FRYL: variants seen among roughly 807,000 people sequenced by gnomAD.
The protein encoded by FRYL is protein furry homolog-like.
Under a neutral mutation model 351.2 loss-of-function variants are expected in FRYL, and 150 were observed. The ratio of observed to expected loss-of-function variants is 0.43; its 90% CI spans 0.37 to 0.49. FRYL has a LOEUF of 0.49. Among genes scored for constraint, FRYL ranks in the 20% least tolerant of loss-of-function variants. The pLI is 0.00. For missense variants in FRYL, 3,036 were observed against 3,619.3 expected, an observed-to-expected ratio of 0.84 and a Z score of 4.13; for synonymous variants, 1,153 against 1,257.1, an observed-to-expected ratio of 0.92 and a Z score of 1.75.
chr4:48,674,605 C>T (rs1578669323), intron 3 of FRYL, among the ~76,000 whole-genome samples: 3 of 151,602 alleles, frequency 2.0e-5, no homozygotes, highest in East Asian at 3.9e-4. Context: ...GGCGTGGTGG[C>T]GGGCTCCTGT....
chr4:48,592,642 G>A (rs12506098), intron 16 of FRYL, among the ~76,000 whole-genome samples: 63,252 of 151,794 alleles, frequency 0.42, 14,335 homozygotes, highest in Admixed American at 0.56. Context: ...CATTTTTGTC[G>A]GTAGAAACCA....
chr4:48,534,433 T>A, intron 49 of FRYL, 112 bp downstream of exon 49: 1 of 825,830 alleles, frequency 1.2e-6, no homozygotes, highest in Non-Finnish European at 1.9e-6. Context: ...AAAACACGAT[T>A]TATGGTTGAA....
intron 4 of FRYL, among the ~76,000 whole-genome samples, chr4:48,624,407 A>C (rs375156877): frequency 6.6e-6 from 1 of 152,128 alleles, no homozygotes; most frequent in Admixed American, 6.5e-5. Flanking sequence ...AATAGATACT[A>C]AAGTCTCTCT....
At chr4:48,632,165 T>C (rs1201332673) in intron 4 of FRYL, among the ~76,000 whole-genome samples, 4 of 133,582 alleles carry the variant, frequency 3.0e-5, no homozygotes, top group Non-Finnish European at 6.2e-5. Flanking sequence ...AATATATATA[T>C]AAAAATTGAG....
rs138059117 is a variant in FRYL at position 48,524,482 on chromosome 4, G to C, written c.7318-1378C>G. On this transcript the variant is annotated intron_variant, in intron 53 of 63. Coordinates refer to ENST00000358350, the MANE Select transcript of FRYL (RefSeq NM_015030.2). Reference sequence around the variant, plus strand: ...GGTGAGTGAATGAATATGCACTGTGGGCTTTCAAAGTGAGGAGATATTTTA... The same window carrying C: ...GGTGAGTGAATGAATATGCACTGTGCGCTTTCAAAGTGAGGAGATATTTTA... Among the ~76,000 whole-genome samples the C allele has an allele frequency of 2.5e-3, 373 of 152,176 alleles. 1 individual carries two copies. Among genetic ancestry groups the C allele is most frequent in the African/African-American group, 8.6e-3 (356 of 41,508 alleles).
chr4:48,529,702 A>G (rs1413119988), intron 50 of FRYL, among the ~76,000 whole-genome samples: 1 of 152,128 alleles, frequency 6.6e-6, no homozygotes, highest in Non-Finnish European at 1.5e-5. Context: ...ATCTTTCTCA[A>G]CCTTACAATA....
At chr4:48,566,181 T>C (rs1470833229) in intron 28 of FRYL, among the ~76,000 whole-genome samples, 4 of 152,186 alleles carry the variant, frequency 2.6e-5, no homozygotes, top group African/African-American at 9.7e-5. Context: ...AATCTCAGTA[T>C]ATAAAACAGA....
intron 13 of FRYL, among the ~76,000 whole-genome samples, chr4:48,601,298 T>C (rs1047414402): frequency 3.3e-5 from 5 of 152,204 alleles, no homozygotes; most frequent in Non-Finnish European, 5.9e-5. Context: ...CTCATCTAAG[T>C]ATATATCAAA....
intron 3 of FRYL, among the ~76,000 whole-genome samples, chr4:48,648,095 T>C (rs1756900329): frequency 6.6e-6 from 1 of 152,182 alleles, no homozygotes; most frequent in South Asian, 2.1e-4. Flanking sequence ...ACACATGTTG[T>C]AGGTATTATA....
At position 48,606,533 on chromosome 4, in the gene FRYL, C is replaced by T. The variant is rs1361057751; in HGVS notation, c.646G>A (p.Val216Ile). The change falls in exon 10 of 64, where the codon GTA becomes ATA. Residue 216 changes from valine (V) to isoleucine (I), a missense_variant. Val to Ile is a conservative substitution (Grantham distance 29, BLOSUM62 3). Around this residue, in one of 7 missense-constraint regions of FRYL, gnomAD observed 457 missense variants for 566.6 expected, o/e 0.81. Coordinates refer to ENST00000358350, the MANE Select transcript of FRYL (RefSeq NM_015030.2). The part of the protein sequence containing the change: ...LRQKEQSPHV[V>I]QSVISLIMGM... The stretch of plus-strand genomic sequence containing the variant: ...ATTATTAAGCTGATGACACTTTGTA[C>T]CACATGTGGGCTTTGTTCCTTTTGT... 1 of 1,613,130 alleles carries T rather than the reference C, an allele frequency of 6.2e-7. No individual in the cohort carries two copies. The highest frequency in any genetic ancestry group is 1.3e-5 in the African/African-American group (1 of 74,890).
intron 3 of FRYL, among the ~76,000 whole-genome samples, chr4:48,665,695 A>G (rs1761592615): frequency 6.6e-6 from 1 of 152,218 alleles, no homozygotes; most frequent in African/African-American, 2.4e-5. Context: ...TGAATCACCC[A>G]TAGTGTGAAT....
At chr4:48,732,310 G>A (rs1770810483) in intron 1 of FRYL, among the ~76,000 whole-genome samples, 1 of 152,156 alleles carries the variant, frequency 6.6e-6, no homozygotes, top group Non-Finnish European at 1.5e-5. Context: ...AAATAGGAAT[G>A]CTTTTACACT....
chr4:48,634,336 A>G lies in FRYL; in HGVS notation c.75T>C (p.Ala25=). 1 of 1,613,774 alleles carries G rather than the reference A, an allele frequency of 6.2e-7. No individual in the cohort carries two copies. Among genetic ancestry groups the G allele is most frequent in the Non-Finnish European group, 8.5e-7 (1 of 1,179,748 alleles). The part of the protein sequence containing the change: ...YVIKSLFAEF[A]VQAEKKIEVV... ...CTTCAATTTTCTTTTCAGCTTGAAC[A>G]GCAAATTCTGCAAAGAGGCTCTTGA... The change falls in exon 4 of 64, where the codon GCT becomes GCC. Residue 25 remains alanine, a synonymous_variant. Transcript: ENST00000358350.
intron 3 of FRYL, among the ~76,000 whole-genome samples, chr4:48,654,726 C>T (rs1484831812): frequency 6.6e-6 from 1 of 152,140 alleles, no homozygotes; most frequent in African/African-American, 2.4e-5. Context: ...GCGAGAAATC[C>T]TCTGGTCAAA....
At chr4:48,754,911 G>A (rs1416547935) in intron 1 of FRYL, among the ~76,000 whole-genome samples, 1 of 152,040 alleles carries the variant, frequency 6.6e-6, no homozygotes, top group Non-Finnish European at 1.5e-5. Flanking sequence ...AAAAGTGCTG[G>A]GATTACAGGC....
At chr4:48,551,279 T>G (rs536553916) in intron 37 of FRYL, among the ~76,000 whole-genome samples, 1 of 152,292 alleles carries the variant, frequency 6.6e-6, no homozygotes, top group South Asian at 2.1e-4. Context: ...ATATACCACC[T>G]ATTTATACAT....
At position 48,511,061 on chromosome 4, in the gene FRYL, T is replaced by G. The variant is rs576201073; in HGVS notation, c.8146-77A>C. On this transcript the variant is annotated intron_variant, in intron 57 of 63. Transcript: ENST00000358350. ...TTCATCTTTAAGTAAAGAAGCATAA[T>G]AGGGTAGACTTTTATTTTAAAATTA... is the stretch of plus-strand genomic sequence containing the variant. The G allele has an allele frequency of 3.7e-6, 3 of 821,158 alleles. No homozygotes were observed. The Admixed American group carries it at 8.4e-5, about 23-fold the overall frequency. The allele number at this position is 821,158 out of a possible 1,614,324, so 50.9% of individuals were successfully genotyped here.
rs1407196808 is a variant in FRYL at position 48,567,879 on chromosome 4, T to C, written c.2997-459A>G. Among the ~76,000 whole-genome samples, 2 of 152,248 alleles carry C rather than the reference T, an allele frequency of 1.3e-5. No homozygotes were observed. Among genetic ancestry groups the C allele is most frequent in the African/African-American group, 4.8e-5 (2 of 41,462 alleles). On this transcript the variant is annotated intron_variant, in intron 27 of 63. Coordinates refer to ENST00000358350, the MANE Select transcript of FRYL (RefSeq NM_015030.2). This position sits in a 1 kb window ranked among gnomAD's most constrained non-coding sequence, Gnocchi z 4.2. ...TAGTAACATTCTGGGATAGGTATTA[T>C]CAGGGATGCAAAAATCTAAGAGAAT...
chr4:48,730,568 G>A (rs1395228335), intron 1 of FRYL, among the ~76,000 whole-genome samples: 1 of 152,154 alleles, frequency 6.6e-6, no homozygotes, highest in Non-Finnish European at 1.5e-5. Flanking sequence ...GAAGACAGTG[G>A]GGGCCAATCA....
Sources: gnomAD v4.1 joint callset for allele counts (sites outside exome capture counted in the v4.1 genomes callset) on GRCh38, gnomAD v4.1.1 for gene constraint, gnomAD v4.1.1 regional missense constraint, Gnocchi (gnomAD v3.1) non-coding constraint, MANE v1.5 for transcripts, NCBI Gene and HGNC (gene_info 2026-07-23, HGNC 2026-07-21) for gene names.